Variants in FRYL observed in about 807,000 individuals in gnomAD.
FRYL encodes the protein FRY like transcription coactivator.
FRYL carries 150 observed loss-of-function variants against 351.2 expected under a neutral mutation model. The observed-to-expected ratio is 0.43, with a 90% confidence interval of 0.37 to 0.49. The LOEUF (loss-of-function observed/expected upper bound fraction) is 0.49. FRYL is among the 20% of genes least tolerant of loss of function. The probability of loss-of-function intolerance (pLI) is 0.00; values close to 1 mark genes in which losing one functional copy is unlikely to be tolerated. For synonymous variants in FRYL, 1,153 were observed against 1,257.1 expected (o/e 0.92, Z 1.75); for missense variants, 3,036 against 3,619.3 (o/e 0.84, Z 4.13).
chr4:48,704,623 C>A (rs1767111385), intron 2 of FRYL, among the ~76,000 whole-genome samples: 1 of 151,992 alleles, frequency 6.6e-6, no homozygotes, highest in South Asian at 2.1e-4. Flanking sequence ...ACCAGACTGG[C>A]CAACACGGCA....
chr4:48,545,938 T>C lies in FRYL; in HGVS notation c.5279+129A>G, dbSNP rs952129607. On this transcript the variant is annotated intron_variant, in intron 42 of 63. Coordinates refer to ENST00000358350, the MANE Select transcript of FRYL (RefSeq NM_015030.2). ...TTGCATCCTAATTTTCAAAATACTG[T>C]GCAATACAAACCTGTGTATTTCACA... 3.9e-5 allele frequency: 31 copies of C among 798,176 alleles called. No homozygotes were observed. The Admixed American group carries it at 3.9e-4, about 10-fold the overall frequency. The allele number at this position is 798,176 out of a possible 1,614,324, so 49.4% of individuals were successfully genotyped here. A position where few individuals can be genotyped will look rare whatever the true frequency, so the allele number is the denominator to read the frequency against.
chr4:48,710,862 T>C (rs1288361379), intron 1 of FRYL, among the ~76,000 whole-genome samples, 164 bp from the exon 2 acceptor site: 1 of 151,968 alleles, frequency 6.6e-6, no homozygotes, highest in African/African-American at 2.4e-5. Flanking sequence ...TCCAGAGAAA[T>C]GAAAACATAC....
chr4:48,732,931 A>AG (rs1196277532), intron 1 of FRYL, among the ~76,000 whole-genome samples: 1 of 382 alleles, frequency 2.6e-3, no homozygotes, highest in Non-Finnish European at 0.071. Context: ...TAACAATATT[A>AG]AAAAAAAAAA....
At chr4:48,676,426 G>A (rs1318700301) in intron 3 of FRYL, among the ~76,000 whole-genome samples, 2 of 152,174 alleles carry the variant, frequency 1.3e-5, no homozygotes, top group African/African-American at 4.8e-5. Context: ...AACACTCACC[G>A]CGAGGGTCCG....
At chr4:48,645,358 C>T (rs1756258477) in intron 3 of FRYL, among the ~76,000 whole-genome samples, 1 of 151,838 alleles carries the variant, frequency 6.6e-6, no homozygotes. Flanking sequence ...CTCTGTGCAA[C>T]CTTCTGATAA....
chr4:48,529,082 T>C (rs1726943841), intron 50 of FRYL, among the ~76,000 whole-genome samples: 1 of 152,174 alleles, frequency 6.6e-6, no homozygotes. Context: ...GCTCTTGTTT[T>C]CCAAACACAC....
At chr4:48,617,185 C>T (rs770792007) in intron 7 of FRYL, among the ~76,000 whole-genome samples, 43 of 151,854 alleles carry the variant, frequency 2.8e-4, no homozygotes, top group Non-Finnish European at 5.6e-4. Flanking sequence ...AGAAAGGATA[C>T]TATAGGTTGG....
chr4:48,650,196 C>T (rs1451081181), intron 3 of FRYL, among the ~76,000 whole-genome samples: 2 of 152,112 alleles, frequency 1.3e-5, no homozygotes, highest in Admixed American at 1.3e-4. Flanking sequence ...CCCTGAGAGA[C>T]ATCAGTAGCA....
In FRYL at chr4:48,553,350, T is replaced by C; in HGVS notation, c.4300A>G (p.Lys1434Glu). The change falls in exon 36 of 64, where the codon AAA becomes GAA. Residue 1434 changes from lysine to glutamate, a missense_variant. Lys to Glu is a moderately conservative substitution (Grantham distance 56). This residue lies in a region of FRYL where 1,987 missense variants were observed against 2,311.7 expected (regional missense o/e 0.86). Coordinates refer to ENST00000358350, the MANE Select transcript of FRYL (RefSeq NM_015030.2). ...KKVIVYLGRDKTMQLLEELVS... is the reference protein window; with the variant it reads ...KKVIVYLGRDETMQLLEELVS... ...AGCTCTTCTAGCAACTGCATTGTTT[T>C]ATCTCTACCTAAATATACAATGACC... 4 of 1,612,862 alleles carry C rather than the reference T, an allele frequency of 2.5e-6. No individual in the cohort carries two copies. Among genetic ancestry groups the C allele is most frequent in the South Asian group, 1.1e-5 (1 of 90,958 alleles).
intron 9 of FRYL, among the ~76,000 whole-genome samples, chr4:48,607,929 A>C (rs1394491002): frequency 6.6e-6 from 1 of 152,178 alleles, no homozygotes; most frequent in African/African-American, 2.4e-5. Context: ...CTGAGACAGA[A>C]ACTCAGTTTT....
intron 59 of FRYL, among the ~76,000 whole-genome samples, chr4:48,507,532 A>T (rs796625588): frequency 1.5e-5 from 1 of 65,306 alleles, no homozygotes; most frequent in African/African-American, 5.6e-5. Flanking sequence ...TCACTCAAAC[A>T]AACAGTTAGT....
Position 48,677,848 on chromosome 4 carries a change from C to T in FRYL, c.-81+6825G>A, listed in dbSNP as rs187926315. On this transcript the variant is annotated intron_variant, in intron 3 of 63. Transcript: ENST00000358350. ...TTCTTTGCATCTTTTTACATGAAGT[C>T]TCTCCATATCATCGAGTTCTCCTTT... Among the ~76,000 whole-genome samples the T allele has an allele frequency of 2.6e-3, 395 of 152,208 alleles. 1 individual carries two copies. The highest frequency in any genetic ancestry group is 4.4e-3 in the Non-Finnish European group (300 of 68,004).
intron 1 of FRYL, among the ~76,000 whole-genome samples, chr4:48,712,675 C>A (rs1768231821): frequency 6.6e-6 from 1 of 152,208 alleles, no homozygotes; most frequent in Non-Finnish European, 1.5e-5. Context: ...CCTCCCCAAT[C>A]TAGCAAGGCA....
In FRYL at chr4:48,557,581, C is replaced by T. The variant is rs1734412223; in HGVS notation, c.3997G>A (p.Asp1333Asn). 1 of 1,614,190 alleles carries T rather than the reference C, an allele frequency of 6.2e-7. No individual in the cohort carries two copies. Among genetic ancestry groups the T allele is most frequent in the East Asian group, 2.2e-5 (1 of 44,884 alleles). Reference protein sequence around the residue: ...PLPTARRHDEDEDDSLKDREL... With the variant: ...PLPTARRHDENEDDSLKDREL... ...CGGTCTTTTAAGGAATCATCTTCATCTTCATCATGTCGCCTTGCTGTGGGG... is the reference window on the plus strand; with the variant it reads ...CGGTCTTTTAAGGAATCATCTTCATTTTCATCATGTCGCCTTGCTGTGGGG... Residue 1333 changes from aspartate to asparagine, a missense_variant, in exon 34 of 64, where the codon GAT (aspartate) becomes AAT (asparagine). By Grantham distance (23) the Asp-to-Asn change is conservative. This residue lies in a region of FRYL where 1,987 missense variants were observed against 2,311.7 expected (regional missense o/e 0.86). Coordinates refer to ENST00000358350, the MANE Select transcript of FRYL (RefSeq NM_015030.2).
intron 18 of FRYL, among the ~76,000 whole-genome samples, chr4:48,587,860 A>G (rs1742468178): frequency 6.6e-6 from 1 of 152,096 alleles, no homozygotes; most frequent in South Asian, 2.1e-4. Context: ...TATTTGTTAT[A>G]GTGGCAATGG....
At chr4:48,589,721 G>A (rs762676220) in intron 18 of FRYL, 24 bp downstream of exon 18, 1 of 1,608,786 alleles carries the variant, frequency 6.2e-7, no homozygotes, top group South Asian at 1.1e-5. Flanking sequence ...AAATAGCAAT[G>A]AAGGCACATA....
intron 1 of FRYL, among the ~76,000 whole-genome samples, chr4:48,769,846 C>G (rs1227708871): frequency 2.0e-5 from 3 of 152,086 alleles, no homozygotes; most frequent in Admixed American, 6.6e-5. Context: ...CAGTATGATT[C>G]CATTTATGAG....
At chr4:48,503,415 T>C (rs1720169110) in intron 60 of FRYL, among the ~76,000 whole-genome samples, 1 of 152,168 alleles carries the variant, frequency 6.6e-6, no homozygotes, top group Non-Finnish European at 1.5e-5. Flanking sequence ...GGGTGGAATA[T>C]CAAAAGCAGA....
At chr4:48,747,163 C>A (rs1772774645) in intron 1 of FRYL, among the ~76,000 whole-genome samples, 1 of 1,432 alleles carries the variant, frequency 7.0e-4, no homozygotes, top group Non-Finnish European at 3.5e-3. Flanking sequence ...TTTCCCCTAT[C>A]CCCCCCCAAA....
Sources: allele counts gnomAD v4.1 joint callset (sites outside exome capture counted in the v4.1 genomes callset), GRCh38; gene constraint gnomAD v4.1.1; regional missense constraint gnomAD v4.1.1; transcripts MANE v1.5; gene names NCBI Gene and HGNC (gene_info 2026-07-23, HGNC 2026-07-21).